Variants in WDR27 observed in about 807,000 individuals in gnomAD.
The protein encoded by WDR27 is WD repeat-containing protein 27.
Under a neutral mutation model 114.4 loss-of-function variants are expected in WDR27, and 100 were observed. The ratio of observed to expected loss-of-function variants is 0.87; its 90% CI spans 0.74 to 1.03. The LOEUF (loss-of-function observed/expected upper bound fraction) is 1.03. WDR27 is among the 50% of genes least tolerant of loss of function. WDR27 has a pLI of 0.00. For missense variants in WDR27, 1,129 were observed against 1,092.9 expected (o/e 1.03, Z -0.47); for synonymous variants, 449 against 423.1 (o/e 1.06, Z -0.75).
chr6:169,647,416 C>G (rs553525305), intron 16 of WDR27, among the ~76,000 whole-genome samples: 1 of 152,204 alleles, frequency 6.6e-6, no homozygotes, highest in Non-Finnish European at 1.5e-5. Flanking sequence ...AGTGACTGTT[C>G]CATTAGCTTC....
At chr6:169,431,306 GTC>G in the WDR27 span, among the ~76,000 whole-genome samples, 2 of 152,034 alleles carry the variant, frequency 1.3e-5, no homozygotes, top group East Asian at 1.9e-4. Context: ...ATTTAGAGGG[GTC>G]TCTCTAAATT....
At chr6:169,660,609 T>C in intron 10 of WDR27, 54 bp downstream of exon 10, 3 of 1,458,264 alleles carry the variant, frequency 2.1e-6, no homozygotes, top group Non-Finnish European at 2.9e-6. Context: ...CTACCCCACA[T>C]ACCAGTCAAA....
At chr6:169,645,510 G>GA (rs199691185) in intron 16 of WDR27, among the ~76,000 whole-genome samples, 1 of 146,854 alleles carries the variant, frequency 6.8e-6, no homozygotes, top group African/African-American at 2.5e-5. Flanking sequence ...TAGTTCACAG[G>GA]GTCACACTGT....
intron 25 of WDR27, among the ~76,000 whole-genome samples, chr6:169,523,088 T>A (rs189696344): frequency 3.3e-5 from 5 of 151,802 alleles, no homozygotes; most frequent in Admixed American, 2.6e-4. Flanking sequence ...ATAAACAGTA[T>A]CAGAAACACA....
intron 25 of WDR27, among the ~76,000 whole-genome samples, chr6:169,467,723 C>T (rs868322957): frequency 6.6e-6 from 1 of 152,224 alleles, no homozygotes. Flanking sequence ...CCATGAAGAG[C>T]TCTGACATGC....
chr6:169,491,810 G>C (rs1238037907), intron 25 of WDR27, among the ~76,000 whole-genome samples: 1 of 152,046 alleles, frequency 6.6e-6, no homozygotes, highest in African/African-American at 2.4e-5. Flanking sequence ...TCTAGAACTG[G>C]GTATCCTAAC....
At chr6:169,629,461 A>G (rs1412030548) in intron 21 of WDR27, among the ~76,000 whole-genome samples, 1 of 152,210 alleles carries the variant, frequency 6.6e-6, no homozygotes, top group East Asian at 1.9e-4. Context: ...CTGACAGACC[A>G]TTTTCCAAAC....
At chr6:169,552,361 C>T (rs910674623) in intron 25 of WDR27, among the ~76,000 whole-genome samples, 4 of 152,172 alleles carry the variant, frequency 2.6e-5, no homozygotes, top group Non-Finnish European at 5.9e-5. Flanking sequence ...CACGCTGAAA[C>T]GCCAGCTCCA....
intron 22 of WDR27, among the ~76,000 whole-genome samples, chr6:169,609,911 T>A (rs1313763102): frequency 6.6e-6 from 1 of 152,192 alleles, no homozygotes; most frequent in Non-Finnish European, 1.5e-5. Flanking sequence ...GCTTAGAAAT[T>A]TCTTCCACCA....
intron 23 of WDR27, among the ~76,000 whole-genome samples, chr6:169,586,930 C>G (rs1402967883): frequency 1.4e-5 from 2 of 138,930 alleles, no homozygotes; most frequent in East Asian, 4.4e-4. Context: ...TCCAGGAAAA[C>G]GTTCTCACTG....
rs372645996 is a variant in WDR27, at chr6:169,664,274, T to G, written c.796A>C (p.Ser266Arg). ...GCADGQLWIFSLMDGHHYRRV... is the reference protein window; with the variant it reads ...GCADGQLWIFRLMDGHHYRRV... ...CGATAATGGTGTCCATCCATCAAAC[T>G]GAAGATCCAAAGCTACAAAAGCAAA... The change falls in exon 8 of 26, where the codon AGT becomes CGT. Residue 266 changes from serine (S) to arginine (R), a missense_variant. Coordinates refer to ENST00000448612, the MANE Select transcript of WDR27 (RefSeq NM_182552.5). The G allele has an allele frequency of 3.7e-6, 6 of 1,613,770 alleles. No individual in the cohort carries two copies. The Admixed American group carries it at 5.0e-5, about 13-fold the overall frequency.
At chr6:169,536,221 G>A (rs532505259) in intron 25 of WDR27, among the ~76,000 whole-genome samples, 2 of 152,280 alleles carry the variant, frequency 1.3e-5, no homozygotes, top group East Asian at 3.9e-4. Context: ...CCTTCAGGTA[G>A]AGCTTTCAAA....
intron 21 of WDR27, among the ~76,000 whole-genome samples, chr6:169,620,863 T>C (rs1812959470): frequency 6.6e-6 from 1 of 152,088 alleles, no homozygotes; most frequent in African/African-American, 2.4e-5. Flanking sequence ...CCTCCAGACA[T>C]AGACATAGAC....
At chr6:169,645,979 G>A (rs1385289315) in intron 16 of WDR27, among the ~76,000 whole-genome samples, 1 of 151,960 alleles carries the variant, frequency 6.6e-6, no homozygotes, top group African/African-American at 2.4e-5. Context: ...GACTCACACT[G>A]TAGAAAAGCC....
At chr6:169,583,010 G>T (rs1200551481) in intron 23 of WDR27, 76 bp from the exon 24 acceptor site, 8 of 1,288,952 alleles carry the variant, frequency 6.2e-6, no homozygotes, top group Non-Finnish European at 6.6e-6. Context: ...AGAGCAGAGG[G>T]ACCATCTATA....
the WDR27 span, among the ~76,000 whole-genome samples, chr6:169,451,888 G>GT: frequency 7.9e-5 from 12 of 151,896 alleles, no homozygotes; most frequent in African/African-American, 1.9e-4. Flanking sequence ...TATAAACTGT[G>GT]TTTTTTTAAA....
chr6:169,491,880 A>T (rs567080394), intron 25 of WDR27, among the ~76,000 whole-genome samples: 2 of 152,330 alleles, frequency 1.3e-5, no homozygotes, highest in South Asian at 4.1e-4. Context: ...GACTTTGGAA[A>T]GAAGCAACTG....
At chr6:169,451,628 T>G in the WDR27 span, among the ~76,000 whole-genome samples, 1 of 152,246 alleles carries the variant, frequency 6.6e-6, no homozygotes, top group Non-Finnish European at 1.5e-5. Context: ...ACTATACCGT[T>G]TTACACTCTG....
intron 25 of WDR27, among the ~76,000 whole-genome samples, chr6:169,538,687 C>A (rs1174356961): frequency 6.7e-6 from 1 of 149,412 alleles, no homozygotes; most frequent in Non-Finnish European, 1.5e-5. Flanking sequence ...CATAGTCAAG[C>A]CTCCACATAC....
Sources: gnomAD v4.1 joint callset for allele counts (sites outside exome capture counted in the v4.1 genomes callset) on GRCh38, gnomAD v4.1.1 for gene constraint, MANE v1.5 for transcripts, NCBI Gene and HGNC (gene_info 2026-07-23, HGNC 2026-07-21) for gene names.